Variants in LYN observed in about 807,000 individuals in gnomAD.
LYN encodes the protein LYN proto-oncogene, Src family tyrosine kinase, also known as tyrosine-protein kinase Lyn.
In LYN, 12 loss-of-function variants were observed where a neutral mutation model predicts 65.0. The ratio of observed to expected loss-of-function variants is 0.18; its 90% confidence interval spans 0.12 to 0.30. The LOEUF (loss-of-function observed/expected upper bound fraction) is 0.30. Among genes scored for constraint, LYN ranks in the 10% least tolerant of loss-of-function variants. The pLI is 1.00. For synonymous variants in LYN, 222 were observed against 221.2 expected (o/e 1.00, Z -0.03); for missense variants, 380 against 623.2 (o/e 0.61, Z 4.16).
intron 1 of LYN, among the ~76,000 whole-genome samples, chr8:55,884,791 A>T (rs985413083): frequency 6.6e-6 from 1 of 152,168 alleles, no homozygotes; most frequent in East Asian, 1.9e-4. Flanking sequence ...AATACTTGGG[A>T]TGATGTATTA....
At chr8:55,954,027 G>T (rs1245299250) in intron 8 of LYN, 43 bp downstream of exon 8, 5 of 1,599,334 alleles carry the variant, frequency 3.1e-6, no homozygotes, top group Non-Finnish European at 8.5e-7. Flanking sequence ...TAGAGATGGT[G>T]ACAGGAGAAG....
chr8:55,957,709 G>A (rs535004764), intron 8 of LYN, among the ~76,000 whole-genome samples: 10 of 152,278 alleles, frequency 6.6e-5, no homozygotes, highest in Non-Finnish European at 1.2e-4. Flanking sequence ...TCGGGAGGCC[G>A]AGGCAGGTAG....
chr8:55,987,432 G>GTTTA (rs1184485217), intron 10 of LYN, among the ~76,000 whole-genome samples: 3 of 151,662 alleles, frequency 2.0e-5, no homozygotes, highest in South Asian at 2.1e-4. Flanking sequence ...AATCTTTTCT[G>GTTTA]TTTATTTATT....
intron 10 of LYN, among the ~76,000 whole-genome samples, chr8:55,984,046 A>T (rs867108384): frequency 4.6e-5 from 7 of 152,068 alleles, no homozygotes; most frequent in Middle Eastern, 3.4e-3. Context: ...TGTTGACCGC[A>T]CTGCTCCTCT....
intron 1 of LYN, among the ~76,000 whole-genome samples, chr8:55,923,732 G>T (rs1301306357): frequency 6.6e-6 from 1 of 151,884 alleles, no homozygotes; most frequent in Admixed American, 6.6e-5. Context: ...TAGAGATGAG[G>T]TTTCACCATG....
chr8:55,889,592 T>A (rs1003895691), intron 1 of LYN, among the ~76,000 whole-genome samples: 32 of 152,282 alleles, frequency 2.1e-4, no homozygotes, highest in African/African-American at 7.5e-4. Context: ...GTTTCTATCC[T>A]AGAGGAGTTT....
chr8:55,966,786 C>T lies in LYN; in HGVS notation c.862C>T (p.Leu288=), dbSNP rs1431342818. ...KPGTMSVQAF[L]EEANLMKTLQ... ...AGGAACTATGTCTGTGCAAGCCTTC[C>T]TGGAAGAAGCCAACCTCATGAAGAC... Residue 288 remains leucine, a synonymous_variant, in exon 9 of 13, where the codon CTG becomes TTG. Transcript: ENST00000519728. The T allele has an allele frequency of 6.2e-7, 1 of 1,614,102 alleles. No homozygotes were observed. Among genetic ancestry groups the T allele is most frequent in the African/African-American group, 1.3e-5 (1 of 75,018 alleles).
chr8:55,902,546 C>T (rs1353154014), intron 1 of LYN, among the ~76,000 whole-genome samples: 1 of 151,126 alleles, frequency 6.6e-6, no homozygotes, highest in African/African-American at 2.4e-5. Flanking sequence ...ATTTTGACAC[C>T]TGATCCAAAA....
At chr8:55,928,172 A>C (rs1303128962) in intron 1 of LYN, among the ~76,000 whole-genome samples, 2 of 152,044 alleles carry the variant, frequency 1.3e-5, no homozygotes, top group Non-Finnish European at 2.9e-5. Flanking sequence ...TTGAGACAGA[A>C]TCTCGCTCTG....
intron 10 of LYN, among the ~76,000 whole-genome samples, chr8:55,979,671 T>C (rs16922508): frequency 0.31 from 46,932 of 152,036 alleles, 8,634 homozygotes; most frequent in African/African-American, 0.51. Context: ...CCCCAGGTTT[T>C]GCTGAGGTTC....
chr8:55,943,080 T>C (rs1361292163), intron 2 of LYN, among the ~76,000 whole-genome samples: 1 of 152,186 alleles, frequency 6.6e-6, no homozygotes, highest in Non-Finnish European at 1.5e-5. Flanking sequence ...TTGGTGTATT[T>C]CGGAAATACT....
chr8:55,967,602 A>T (rs1023564434), intron 9 of LYN, among the ~76,000 whole-genome samples: 1 of 152,038 alleles, frequency 6.6e-6, no homozygotes, highest in African/African-American at 2.4e-5. Flanking sequence ...AGGCATGAGC[A>T]CCCAGCCTCT....
At chr8:55,904,837 C>T (rs954294052) in intron 1 of LYN, among the ~76,000 whole-genome samples, 3 of 152,118 alleles carry the variant, frequency 2.0e-5, no homozygotes, top group Non-Finnish European at 2.9e-5. Flanking sequence ...GCAAGGTTCC[C>T]TACATTATTA....
intron 1 of LYN, among the ~76,000 whole-genome samples, chr8:55,930,223 T>G (rs1806221324): frequency 6.6e-6 from 1 of 152,236 alleles, no homozygotes; most frequent in Admixed American, 6.5e-5. Flanking sequence ...TTGCCATCTA[T>G]AGCTAATAAG....
At chr8:55,880,635 C>T in intron 1 of LYN, among the ~76,000 whole-genome samples, 1 of 152,206 alleles carries the variant, frequency 6.6e-6, no homozygotes, top group Non-Finnish European at 1.5e-5. Context: ...CGGACAGTTG[C>T]CCTCCCTGGT....
intron 1 of LYN, among the ~76,000 whole-genome samples, chr8:55,885,777 G>A (rs991224024): frequency 1.3e-5 from 2 of 152,184 alleles, no homozygotes; most frequent in African/African-American, 2.4e-5. Flanking sequence ...ACTGTAGCCC[G>A]ATGCTGGAGA....
At chr8:55,979,814 C>A (rs1303994386) in intron 10 of LYN, among the ~76,000 whole-genome samples, 1 of 152,208 alleles carries the variant, frequency 6.6e-6, no homozygotes, top group Non-Finnish European at 1.5e-5. Context: ...CAGCCTGACA[C>A]CCTGCCCAAG....
chr8:56,011,391 T>G lies in LYN; in HGVS notation c.*1281T>G, dbSNP rs976466485. The G allele has an allele frequency of 9.4e-6, 2 of 213,252 alleles. No individual in the cohort carries two copies. The highest frequency in any genetic ancestry group is 4.5e-5 in the African/African-American group (2 of 44,240). The allele number at this position is 213,252 out of a possible 1,614,324, so 13.2% of individuals were successfully genotyped here. ...ACCTCGTCCAATAACATCTCAAGCTTTTTATTTGCATTTACATTTTCAGCT... is the reference window on the plus strand; with the variant it reads ...ACCTCGTCCAATAACATCTCAAGCTGTTTATTTGCATTTACATTTTCAGCT... On this transcript the variant is annotated 3_prime_UTR_variant, in exon 13 of 13. Transcript: ENST00000519728.
chr8:55,966,963 T>C (rs1807477530), intron 9 of LYN, 66 bp downstream of exon 9: 2 of 1,442,818 alleles, frequency 1.4e-6, no homozygotes, highest in Admixed American at 4.2e-5. Context: ...TGTGTAAGTG[T>C]TCAGAGGTCA....
Sources: gnomAD v4.1 joint callset for allele counts (sites outside exome capture counted in the v4.1 genomes callset) on GRCh38, gnomAD v4.1.1 for gene constraint, MANE v1.5 for transcripts, NCBI Gene and HGNC (gene_info 2026-07-23, HGNC 2026-07-21) for gene names.